Variants in CPVL observed in about 807,000 individuals in gnomAD.
CPVL encodes the protein carboxypeptidase vitellogenic like, also known as probable serine carboxypeptidase CPVL.
In CPVL, 51 loss-of-function variants were observed where a neutral mutation model predicts 63.7. That is an observed-to-expected ratio of 0.80 (90% confidence interval 0.64 to 1.01). The LOEUF (loss-of-function observed/expected upper bound fraction) is 1.01, where lower values mean the gene tolerates loss of function less well. Ranked by LOEUF, CPVL falls within the 50% of genes least tolerant of loss-of-function variation. CPVL has a pLI of 0.00. For missense variants in CPVL, 530 were observed against 573.1 expected (o/e 0.92, Z 0.77); for synonymous variants, 195 against 206.0 (o/e 0.95, Z 0.46).
chr7:29,105,386 C>T (rs2128623081), intron 3 of CPVL, among the ~76,000 whole-genome samples: 1 of 152,264 alleles, frequency 6.6e-6, no homozygotes, highest in East Asian at 1.9e-4. Context: ...CCATACTTGG[C>T]CGAGTGCCTG....
chr7:29,149,891 A>G (rs1274983057), upstream of CPVL, among the ~76,000 whole-genome samples: 3 of 152,224 alleles, frequency 2.0e-5, no homozygotes, highest in East Asian at 5.8e-4. Context: ...ATGACATTGG[A>G]TTAGGGTCCA....
upstream of CPVL, among the ~76,000 whole-genome samples, chr7:29,151,265 C>A (rs245891): frequency 0.35 from 52,746 of 152,042 alleles, 9,235 homozygotes; most frequent in South Asian, 0.4. Context: ...TTGCTTGCCT[C>A]CTTATGCCTG....
chr7:28,999,266 T>C (rs1583920499), intron 12 of CPVL, among the ~76,000 whole-genome samples: 1 of 152,120 alleles, frequency 6.6e-6, no homozygotes, highest in Admixed American at 6.6e-5. Flanking sequence ...TGCATAAAAA[T>C]ACCTGAGCTC....
At chr7:29,133,920 T>C (rs975659577) in intron 1 of CPVL, among the ~76,000 whole-genome samples, 9 of 152,142 alleles carry the variant, frequency 5.9e-5, no homozygotes, top group African/African-American at 1.9e-4. Context: ...AAAAGTAAAG[T>C]ATGGGGCTGA....
At chr7:29,167,942 G>C (rs1161953279) in intron 5 of CPVL, among the ~76,000 whole-genome samples, 1 of 152,166 alleles carries the variant, frequency 6.6e-6, no homozygotes, top group African/African-American at 2.4e-5. Flanking sequence ...TACAACATCG[G>C]AGGTAACTGT....
chr7:29,068,248 C>A (rs2128570405), intron 9 of CPVL, among the ~76,000 whole-genome samples: 1 of 152,178 alleles, frequency 6.6e-6, no homozygotes, highest in Admixed American at 6.5e-5. Context: ...AACTCCTGAC[C>A]TTGTGATCTG....
rs562458071 is a variant in CPVL at position 29,055,382 on chromosome 7, T to C, written c.1137+8679A>G. Among the ~76,000 whole-genome samples the C allele has an allele frequency of 1.4e-3, 213 of 152,246 alleles. 1 individual carries two copies. Among genetic ancestry groups the C allele is most frequent in the Non-Finnish European group, 2.6e-3 (174 of 67,992 alleles). The stretch of plus-strand genomic sequence containing the variant: ...CTTCTGCTTCAGCCTCCCAAGTAGC[T>C]GGGATTACAGGCGCCCGCCACCATA... On this transcript the variant is annotated intron_variant, in intron 11 of 12. Transcript: ENST00000265394.
intron 11 of CPVL, among the ~76,000 whole-genome samples, chr7:29,059,211 ATC>A (rs1327642745): frequency 6.6e-6 from 1 of 152,128 alleles, no homozygotes; most frequent in Non-Finnish European, 1.5e-5. Flanking sequence ...GACATTCTTT[ATC>A]TCTGTTACAG....
chr7:28,996,465 T>G (rs1784070914), intron 12 of CPVL, among the ~76,000 whole-genome samples: 2 of 150,124 alleles, frequency 1.3e-5, no homozygotes, highest in Admixed American at 1.3e-4. Flanking sequence ...GAGTCTGCAG[T>G]GAGCTAGGAT....
At chr7:29,140,182 G>T (rs1791718952) in intron 1 of CPVL, among the ~76,000 whole-genome samples, 1 of 152,106 alleles carries the variant, frequency 6.6e-6, no homozygotes, top group Non-Finnish European at 1.5e-5. Flanking sequence ...GCTCACACTT[G>T]TAATCCCGGC....
chr7:29,141,367 T>C (rs1271056424), intron 1 of CPVL, among the ~76,000 whole-genome samples: 2 of 151,714 alleles, frequency 1.3e-5, no homozygotes, highest in Admixed American at 6.6e-5. Flanking sequence ...CTGGCCAACA[T>C]AGTGAAACCC....
At chr7:29,014,215 G>A (rs1311866240) in intron 12 of CPVL, among the ~76,000 whole-genome samples, 1 of 152,208 alleles carries the variant, frequency 6.6e-6, no homozygotes, top group Non-Finnish European at 1.5e-5. Flanking sequence ...CTGTCTGGAA[G>A]ATAGAGACAA....
In CPVL at chr7:28,995,727, T is replaced by C; in HGVS notation, c.*45A>G. ...GACATTTTCTGTTTTTACGATTTTC[T>C]TTTCAGCAATGAAAACCTCTGATGT... On this transcript the variant is annotated 3_prime_UTR_variant, in exon 13 of 13. Transcript: ENST00000265394. 8.7e-7 allele frequency: 1 copy of C among 1,149,908 alleles called. No homozygotes were observed. The highest frequency in any genetic ancestry group is 2.5e-5 in the East Asian group (1 of 40,514). 71.2% of individuals were successfully genotyped at this position (1,149,908 alleles called of 1,614,324 possible).
intron 12 of CPVL, among the ~76,000 whole-genome samples, chr7:29,007,874 A>G (rs1785359767): frequency 1.3e-5 from 2 of 152,228 alleles, no homozygotes; most frequent in Non-Finnish European, 2.9e-5. Flanking sequence ...GCTAAGGGGT[A>G]TGCTACAAAA....
intron 1 of CPVL, among the ~76,000 whole-genome samples, chr7:29,137,721 C>G (rs1273189256): frequency 6.6e-6 from 1 of 152,012 alleles, no homozygotes; most frequent in Non-Finnish European, 1.5e-5. Context: ...CTCCTGTACT[C>G]TCACTATCTG....
chr7:29,097,829 C>T (rs1039106217), intron 3 of CPVL, among the ~76,000 whole-genome samples: 2 of 152,160 alleles, frequency 1.3e-5, no homozygotes, highest in Non-Finnish European at 1.5e-5. Flanking sequence ...CTGCCCTGAG[C>T]CCTGAAAGCT....
At chr7:29,076,532 T>A (rs1784267501) in intron 7 of CPVL, among the ~76,000 whole-genome samples, 1 of 152,230 alleles carries the variant, frequency 6.6e-6, no homozygotes, top group African/African-American at 2.4e-5. Flanking sequence ...CGGATAAACA[T>A]AACACATCTA....
At chr7:29,068,133 T>C (rs1229805053) in intron 9 of CPVL, among the ~76,000 whole-genome samples, 1 of 151,618 alleles carries the variant, frequency 6.6e-6, no homozygotes, top group African/African-American at 2.4e-5. Context: ...GCCTCCCGAG[T>C]ACCTGAGATT....
intron 4 of CPVL, among the ~76,000 whole-genome samples, chr7:29,181,989 C>T (rs1798113618): frequency 6.6e-6 from 1 of 152,158 alleles, no homozygotes; most frequent in Non-Finnish European, 1.5e-5. Context: ...ATAAGCAAAA[C>T]ATCTTAAATA....
Sources: allele counts gnomAD v4.1 joint callset (sites outside exome capture counted in the v4.1 genomes callset), GRCh38; gene constraint gnomAD v4.1.1; transcripts MANE v1.5; gene names NCBI Gene and HGNC (gene_info 2026-07-23, HGNC 2026-07-21).